Variants in DLGAP2 observed in about 807,000 individuals in gnomAD.
The protein encoded by DLGAP2 is disks large-associated protein 2.
DLGAP2 carries 26 observed loss-of-function variants against 100.3 expected under a neutral mutation model. The ratio of observed to expected loss-of-function variants is 0.26; its 90% CI spans 0.19 to 0.36. DLGAP2 has a LOEUF of 0.36. Ranked by LOEUF, DLGAP2 falls within the 10% of genes least tolerant of loss-of-function variation. The probability of loss-of-function intolerance (pLI) is 1.00; values close to 1 mark genes in which losing one functional copy is unlikely to be tolerated. For synonymous variants in DLGAP2, 886 were observed against 630.1 expected (o/e 1.41, Z -6.08); for missense variants, 1,858 against 1,453.2 (o/e 1.28, Z -4.53).
intron 2 of DLGAP2, among the ~76,000 whole-genome samples, chr8:1,187,873 T>C (rs1430011386): frequency 8.1e-6 from 1 of 123,552 alleles, no homozygotes; most frequent in Non-Finnish European, 1.6e-5. Context: ...CCCGTGACGT[T>C]TGCCTCACGG....
intron 2 of DLGAP2, among the ~76,000 whole-genome samples, chr8:951,093 A>C (rs1799468115): frequency 6.6e-6 from 1 of 152,128 alleles, no homozygotes; most frequent in African/African-American, 2.4e-5. Flanking sequence ...CTATTTTTTT[A>C]ACTTAACATT....
At chr8:1,317,900 A>C (rs1425444095) in intron 3 of DLGAP2, among the ~76,000 whole-genome samples, 404 of 121,674 alleles carry the variant, frequency 3.3e-3, no homozygotes, top group Admixed American at 6.4e-3. Context: ...GCGTCTCTCC[A>C]ACAGTGGTCT....
In DLGAP2 at chr8:1,548,838, C is replaced by G; in HGVS notation, c.385C>G (p.Pro129Ala). 6.3e-7 allele frequency: 1 copy of G among 1,579,880 alleles called. No individual in the cohort carries two copies. Reference protein sequence around the residue: ...PYLLSPADSCPGGRHRCSPRS... With the variant: ...PYLLSPADSCAGGRHRCSPRS... ...CCTGCTGAGCCCCGCCGACAGCTGC[C>G]CCGGGGGGCGCCACCGCTGCTCGCC... The change falls in exon 5 of 15, where the codon CCC becomes GCC. Residue 129 changes from proline to alanine, a missense_variant. Pro to Ala is a conservative substitution (Grantham distance 27). Transcript: ENST00000637795.
intron 2 of DLGAP2, among the ~76,000 whole-genome samples, chr8:937,893 G>A (rs1242934891): frequency 6.6e-6 from 1 of 152,188 alleles, no homozygotes; most frequent in African/African-American, 2.4e-5. Context: ...GTGAGGAGGT[G>A]ACAGGTGCCT....
chr8:967,931 G>A (rs1392720553), intron 2 of DLGAP2, among the ~76,000 whole-genome samples: 3 of 136,654 alleles, frequency 2.2e-5, no homozygotes, highest in African/African-American at 8.5e-5. Context: ...TCTTCATGAT[G>A]ACTATGATGT....
chr8:1,482,930 G>A (rs534608179), intron 3 of DLGAP2, among the ~76,000 whole-genome samples: 67 of 152,380 alleles, frequency 4.4e-4, no homozygotes, highest in African/African-American at 1.6e-3. Flanking sequence ...GAGGGCGGAT[G>A]GTCTTGGAGC....
At chr8:1,156,435 C>T (rs1033988215) in intron 2 of DLGAP2, among the ~76,000 whole-genome samples, 5 of 152,196 alleles carry the variant, frequency 3.3e-5, no homozygotes, top group African/African-American at 1.2e-4. Flanking sequence ...CCCTGTCAGG[C>T]CTCACACGGT....
chr8:1,059,184 G>A (rs1321744764), intron 2 of DLGAP2, among the ~76,000 whole-genome samples: 1 of 152,032 alleles, frequency 6.6e-6, no homozygotes, highest in African/African-American at 2.4e-5. Flanking sequence ...TTGGGCCCTG[G>A]ATCCTCTTGG....
chr8:1,237,110 GCCTA>G (rs1798675800), intron 2 of DLGAP2, among the ~76,000 whole-genome samples: 1 of 60,776 alleles, frequency 1.6e-5, no homozygotes, highest in Non-Finnish European at 3.4e-5. Context: ...ATGGCACCGT[GCCTA>G]GTTCTGTCTC....
chr8:1,653,069 A>G (rs1024320511), intron 8 of DLGAP2, among the ~76,000 whole-genome samples: 1 of 151,996 alleles, frequency 6.6e-6, no homozygotes, highest in Non-Finnish European at 1.5e-5. Context: ...TAAATGGGGG[A>G]TTTGAAACAC....
At chr8:1,197,213 G>A (rs915717082) in intron 2 of DLGAP2, among the ~76,000 whole-genome samples, 3 of 152,154 alleles carry the variant, frequency 2.0e-5, no homozygotes, top group Non-Finnish European at 2.9e-5. Context: ...ACATTGCAGA[G>A]TCCACTTCAG....
intron 3 of DLGAP2, among the ~76,000 whole-genome samples, chr8:1,364,504 G>GA (rs377104987): frequency 1.5e-4 from 22 of 150,356 alleles, no homozygotes; most frequent in African/African-American, 5.4e-4. Flanking sequence ...GGGAAGGGCG[G>GA]GGGGGGTGCA....
intron 6 of DLGAP2, among the ~76,000 whole-genome samples, chr8:1,577,461 G>A (rs1164710446): frequency 2.6e-5 from 4 of 151,050 alleles, no homozygotes; most frequent in South Asian, 2.1e-4. Flanking sequence ...CCAGCTACTC[G>A]AGAGGCTGAG....
intron 2 of DLGAP2, among the ~76,000 whole-genome samples, chr8:1,175,955 C>T (rs970161482): frequency 1.6e-4 from 25 of 152,322 alleles, no homozygotes; most frequent in South Asian, 6.2e-4. Context: ...CAAAGCGATT[C>T]GCAGATGTGG....
chr8:787,922 T>C (rs930445187), intron 1 of DLGAP2, among the ~76,000 whole-genome samples: 2 of 152,190 alleles, frequency 1.3e-5, no homozygotes, highest in Non-Finnish European at 2.9e-5. Flanking sequence ...TAAAACCACC[T>C]TGCTCACGTA....
intron 3 of DLGAP2, among the ~76,000 whole-genome samples, chr8:1,430,176 A>G (rs1380204362): frequency 6.6e-6 from 1 of 151,144 alleles, no homozygotes; most frequent in Non-Finnish European, 1.5e-5. Flanking sequence ...TAAAGGTGAC[A>G]TTCTCTGCAA....
intron 1 of DLGAP2, among the ~76,000 whole-genome samples, chr8:794,905 G>T (rs1795992656): frequency 6.6e-6 from 1 of 152,142 alleles, no homozygotes; most frequent in Non-Finnish European, 1.5e-5. Context: ...GGTCCCTGGT[G>T]GCGTGAGTGA....
chr8:1,033,910 C>A (rs866960202), intron 2 of DLGAP2, among the ~76,000 whole-genome samples: 12 of 74,092 alleles, frequency 1.6e-4, no homozygotes, highest in East Asian at 4.4e-4. Flanking sequence ...GGACTCACAC[C>A]CTCATCCCGA....
At position 1,308,181 on chromosome 8, in the gene DLGAP2, G is replaced by C. The variant is rs114448375; in HGVS notation, c.106+49298G>C. 8.9e-3 allele frequency among the ~76,000 whole-genome samples: 1,353 copies of C among 152,328 alleles called. 15 individuals carry two copies. Among genetic ancestry groups the C allele is most frequent in the African/African-American group, 0.031 (1,290 of 41,564 alleles). ...GGTACGTGTGGAAGAAGTGCCTCAG[G>C]ACAGAACGCCTGCAGAGAATGGGAA... On this transcript the variant is annotated intron_variant, in intron 3 of 14. Transcript: ENST00000637795.
Sources: allele counts gnomAD v4.1 joint callset (sites outside exome capture counted in the v4.1 genomes callset), GRCh38; gene constraint gnomAD v4.1.1; transcripts MANE v1.5; gene names NCBI Gene and HGNC (gene_info 2026-07-23, HGNC 2026-07-21).